The following DNAJC3 variants were observed in gnomAD, a reference collection of about 807,000 sequenced individuals.
DNAJC3 encodes the protein DnaJ heat shock protein family (Hsp40) member C3, also known as dnaJ homolog subfamily C member 3.
A neutral mutation model predicts 68.6 loss-of-function variants in DNAJC3; 38 were observed. The ratio of observed to expected loss-of-function variants is 0.55; its 90% CI spans 0.43 to 0.73. The LOEUF (loss-of-function observed/expected upper bound fraction) is 0.73. DNAJC3 is among the 30% of genes least tolerant of loss of function. DNAJC3 has a pLI of 0.00. For synonymous variants in DNAJC3, 203 were observed against 204.0 expected (o/e 1.00, Z 0.04); for missense variants, 526 against 591.9 (o/e 0.89, Z 1.16).
intron 4 of DNAJC3, among the ~76,000 whole-genome samples, chr13:95,743,731 G>C (rs932257780): frequency 1.3e-5 from 2 of 152,026 alleles, no homozygotes; most frequent in African/African-American, 4.8e-5. Context: ...CTAATTTTTT[G>C]TGTTTTGAGT....
At chr13:95,690,465 A>G (rs1219061110) in intron 1 of DNAJC3, among the ~76,000 whole-genome samples, 1 of 151,338 alleles carries the variant, frequency 6.6e-6, no homozygotes, top group Non-Finnish European at 1.5e-5. Flanking sequence ...CAAAACCGCC[A>G]TTGTCATCAT....
chr13:95,733,114 T>C (rs950233795), intron 4 of DNAJC3, among the ~76,000 whole-genome samples: 1 of 152,178 alleles, frequency 6.6e-6, no homozygotes, highest in Non-Finnish European at 1.5e-5. Context: ...TCTACTGTTT[T>C]AGGGTAACAT....
intron 4 of DNAJC3, among the ~76,000 whole-genome samples, chr13:95,734,863 C>T (rs1881845040): frequency 6.7e-6 from 1 of 148,152 alleles, no homozygotes; most frequent in African/African-American, 2.5e-5. Context: ...TACATGTGCA[C>T]ATTGTGCAGG....
At chr13:95,690,240 G>A (rs1369253189) in intron 1 of DNAJC3, among the ~76,000 whole-genome samples, 13 of 152,128 alleles carry the variant, frequency 8.5e-5, no homozygotes, top group South Asian at 2.1e-4. Context: ...ATCTTGCACC[G>A]CCCCTAATCC....
rs745597686 is a variant in DNAJC3, at chr13:95,723,303, C to A, written c.255C>A (p.Gly85=). ...YRRATVFLAM[G]KSKAALPDLT... is the part of the protein sequence containing the mutation. ...GGGCTACTGTCTTTTTAGCTATGGG[C>A]AAATCAAAAGCTGCACTTCCTGATT... Residue 85 remains glycine (G), a synonymous_variant, in exon 3 of 12, where the codon GGC becomes GGA. Coordinates refer to ENST00000602402, the MANE Select transcript of DNAJC3 (RefSeq NM_006260.5). The A allele has an allele frequency of 6.2e-7, 1 of 1,611,764 alleles. No homozygotes were observed. The highest frequency in any genetic ancestry group is 8.5e-7 in the Non-Finnish European group (1 of 1,178,302).
rs748230178 is a variant in DNAJC3 at position 95,760,094 on chromosome 13, G to A, written c.601G>A (p.Glu201Lys). Reference protein sequence around the residue: ...RELRAECFIKEGEPRKAISDL... With the variant: ...RELRAECFIKKGEPRKAISDL... ...ACTTCGAGCTGAATGTTTTATAAAAGAAGGAGAACCTAGGAAAGCTATAAG... is the reference window on the plus strand; with the variant it reads ...ACTTCGAGCTGAATGTTTTATAAAAAAAGGAGAACCTAGGAAAGCTATAAG... The change falls in exon 6 of 12, where the codon GAA becomes AAA. Residue 201 changes from glutamate to lysine, a missense_variant. By Grantham distance (56) the Glu-to-Lys change is moderately conservative (BLOSUM62 1). Transcript: ENST00000602402. 5 of 1,611,550 alleles carry A rather than the reference G, an allele frequency of 3.1e-6. No individual in the cohort carries two copies. The highest frequency in any genetic ancestry group is 4.2e-6 in the Non-Finnish European group (5 of 1,178,662).
At chr13:95,677,439 T>TG in intron 1 of DNAJC3, 102 bp downstream of exon 1, 1 of 1,234,612 alleles carries the variant, frequency 8.1e-7, no homozygotes, top group Non-Finnish European at 1.1e-6. Context: ...GCTCGGGAGG[T>TG]GGGGCGAGCG....
intron 9 of DNAJC3, among the ~76,000 whole-genome samples, chr13:95,767,877 G>A (rs780365842): frequency 1.4e-5 from 2 of 145,838 alleles, no homozygotes; most frequent in Non-Finnish European, 3.0e-5. Flanking sequence ...TTTTTTTTCC[G>A]TATTTTTAGT....
chr13:95,779,374 G>T (rs562652272), intron 9 of DNAJC3, among the ~76,000 whole-genome samples: 14 of 152,032 alleles, frequency 9.2e-5, no homozygotes, highest in Admixed American at 1.3e-4. Flanking sequence ...TCTGCCCACT[G>T]CGGCCTCCCA....
intron 9 of DNAJC3, among the ~76,000 whole-genome samples, chr13:95,782,816 G>A (rs962571464): frequency 6.6e-6 from 1 of 152,150 alleles, no homozygotes; most frequent in Non-Finnish European, 1.5e-5. Context: ...AAGCTCTTTA[G>A]TTTAATTAGA....
At chr13:95,713,624 CT>C (rs1254296673) in intron 2 of DNAJC3, among the ~76,000 whole-genome samples, 5 of 152,176 alleles carry the variant, frequency 3.3e-5, no homozygotes, top group African/African-American at 1.2e-4. Context: ...TTGAAATTGA[CT>C]CGCTGATTCT....
At chr13:95,682,632 T>C (rs1453329397) in intron 1 of DNAJC3, among the ~76,000 whole-genome samples, 1 of 152,186 alleles carries the variant, frequency 6.6e-6, no homozygotes, top group Non-Finnish European at 1.5e-5. Context: ...GAGAAACCTA[T>C]TGTCTAATGC....
intron 4 of DNAJC3, among the ~76,000 whole-genome samples, chr13:95,743,372 C>T (rs2139660742): frequency 6.6e-6 from 1 of 152,276 alleles, no homozygotes; most frequent in South Asian, 2.1e-4. Context: ...ACAGCTAGGC[C>T]TTTGCCTTAT....
chr13:95,679,176 G>A (rs1449722137), intron 1 of DNAJC3, among the ~76,000 whole-genome samples: 2 of 146,678 alleles, frequency 1.4e-5, no homozygotes, highest in Non-Finnish European at 3.0e-5. Context: ...TTAAGTGATG[G>A]CAGCTGAGAA....
rs967954071 is a variant in DNAJC3 at position 95,790,886 on chromosome 13, G to T, written c.1371G>T (p.Lys457Asn). The stretch of plus-strand genomic sequence containing the variant: ...ATTTCTTTCTAGAAATGAGAAAGAA[G>T]TTTGACGACGGAGAAGATCCTTTGG... ...EVLSDPEMRK[K>N]FDDGEDPLDA... Residue 457 changes from lysine to asparagine, a missense_variant, in exon 12 of 12, where the codon AAG (lysine) becomes AAT (asparagine). By Grantham distance (94) the Lys-to-Asn change is moderately conservative (BLOSUM62 0). Coordinates refer to ENST00000602402, the MANE Select transcript of DNAJC3 (RefSeq NM_006260.5). The T allele has an allele frequency of 5.6e-6, 9 of 1,608,666 alleles. No individual in the cohort carries two copies. Among genetic ancestry groups the T allele is most frequent in the Non-Finnish European group, 5.1e-6 (6 of 1,178,788 alleles).
intron 9 of DNAJC3, among the ~76,000 whole-genome samples, chr13:95,770,226 G>C (rs1358908455): frequency 6.6e-6 from 1 of 151,814 alleles, no homozygotes; most frequent in Non-Finnish European, 1.5e-5. Context: ...TGACTAATGA[G>C]TGTGATCTCA....
chr13:95,691,210 C>T (rs1262772490), intron 1 of DNAJC3, among the ~76,000 whole-genome samples: 1 of 151,852 alleles, frequency 6.6e-6, no homozygotes, highest in African/African-American at 2.4e-5. Context: ...CCCCACCTCC[C>T]TCCCGGACGA....
At chr13:95,770,446 C>G (rs899034241) in intron 9 of DNAJC3, among the ~76,000 whole-genome samples, 2 of 152,130 alleles carry the variant, frequency 1.3e-5, no homozygotes, top group Admixed American at 6.5e-5. Flanking sequence ...CAATTATTTT[C>G]TTTGTATTTT....
At position 95,794,418 on chromosome 13, in the gene DNAJC3, A is replaced by G. The variant is rs991252286; in HGVS notation, c.*3388A>G. Reference sequence around the variant, plus strand: ...CAAAGTTTTCACTGAGCACACAGCAATGGTATCACCTAGAGAAGTTCACGC... The same window carrying G: ...CAAAGTTTTCACTGAGCACACAGCAGTGGTATCACCTAGAGAAGTTCACGC... On this transcript the variant is annotated 3_prime_UTR_variant, in exon 12 of 12. Transcript: ENST00000602402. 1.3e-5 allele frequency: 2 copies of G among 152,246 alleles called. No homozygotes were observed. The highest frequency in any genetic ancestry group is 2.4e-5 in the African/African-American group (1 of 41,466). The allele number at this position is 152,246 out of a possible 1,614,324, so 9.4% of individuals were successfully genotyped here.
Sources: allele counts gnomAD v4.1 joint callset (sites outside exome capture counted in the v4.1 genomes callset), GRCh38; gene constraint gnomAD v4.1.1; transcripts MANE v1.5; gene names NCBI Gene and HGNC (gene_info 2026-07-23, HGNC 2026-07-21).